PTPRN2: variants seen among roughly 807,000 people sequenced by gnomAD.
PTPRN2 encodes the protein receptor-type tyrosine-protein phosphatase N2.
Under a neutral mutation model 118.8 loss-of-function variants are expected in PTPRN2, and 74 were observed. The observed-to-expected ratio is 0.62, with a 90% CI of 0.52 to 0.76. PTPRN2 has a LOEUF of 0.76. PTPRN2 is among the 30% of genes least tolerant of loss of function. The pLI, the probability that PTPRN2 is intolerant of heterozygous loss-of-function variation, is 0.00. For synonymous variants in PTPRN2, 641 were observed against 608.0 expected (o/e 1.05, Z -0.80); for missense variants, 1,481 against 1,394.4 (o/e 1.06, Z -0.99).
chr7:158,515,099 G>A (rs1036258866), intron 1 of PTPRN2, among the ~76,000 whole-genome samples: 2 of 152,188 alleles, frequency 1.3e-5, no homozygotes, highest in African/African-American at 4.8e-5. Context: ...ACTATGGCGA[G>A]GAGAACTGGG....
intron 1 of PTPRN2, among the ~76,000 whole-genome samples, chr7:158,582,677 G>T (rs778615699): frequency 6.6e-6 from 1 of 151,358 alleles, no homozygotes; most frequent in Admixed American, 6.6e-5. Flanking sequence ...TGTGCCTGTA[G>T]TCCCAGCTAT....
intron 12 of PTPRN2, among the ~76,000 whole-genome samples, chr7:157,876,274 C>G (rs1033816536): frequency 7.2e-5 from 11 of 152,148 alleles, no homozygotes; most frequent in African/African-American, 2.4e-4. Context: ...TGAGGTAAGG[C>G]GGACAGGGCT....
At chr7:158,503,786 A>T (rs943092293) in intron 1 of PTPRN2, among the ~76,000 whole-genome samples, 4 of 152,158 alleles carry the variant, frequency 2.6e-5, no homozygotes, top group African/African-American at 7.2e-5. Context: ...AGATCATTTG[A>T]GGGCAGGAGT....
At chr7:157,999,784 G>T (rs760756092) in intron 11 of PTPRN2, among the ~76,000 whole-genome samples, 2 of 152,164 alleles carry the variant, frequency 1.3e-5, no homozygotes, top group African/African-American at 4.8e-5. Flanking sequence ...CTCAAAGGTG[G>T]GGTGCAGACT....
chr7:157,563,847 C>T (rs1799347162), intron 21 of PTPRN2, among the ~76,000 whole-genome samples: 1 of 151,684 alleles, frequency 6.6e-6, no homozygotes, highest in Non-Finnish European at 1.5e-5. Flanking sequence ...AGATCAAGAC[C>T]ACGTGCTCCT....
chr7:158,066,106 T>C lies in PTPRN2; in HGVS notation c.1723+15192A>G, dbSNP rs145448167. Among the ~76,000 whole-genome samples the C allele has an allele frequency of 2.1e-4, 32 of 152,336 alleles. No individual in the cohort carries two copies. In the East Asian group the frequency reaches 5.8e-3, roughly 28 times the overall value. ...TTTATTTCCTCTGAAAATCACATAA[T>C]ATGCTGCTTTGTTTCTCTAGCAAGG... On this transcript the variant is annotated intron_variant, in intron 11 of 22. Transcript: ENST00000389418.
At chr7:157,905,122 G>T (rs1471621194) in intron 11 of PTPRN2, among the ~76,000 whole-genome samples, 1 of 152,178 alleles carries the variant, frequency 6.6e-6, no homozygotes, top group East Asian at 1.9e-4. Context: ...CCTCTCGCGG[G>T]ACTTTTGCCC....
chr7:157,781,559 C>T (rs1803681955), intron 12 of PTPRN2, among the ~76,000 whole-genome samples: 1 of 152,168 alleles, frequency 6.6e-6, no homozygotes, highest in Non-Finnish European at 1.5e-5. Context: ...TCCCAGAGAG[C>T]CTGGTTTTAT....
chr7:157,833,125 T>C (rs1162564523), intron 12 of PTPRN2, among the ~76,000 whole-genome samples: 6 of 141,648 alleles, frequency 4.2e-5, no homozygotes, highest in Middle Eastern at 4.6e-3. Flanking sequence ...GAGATGTGGC[T>C]GGTGCCCATC....
chr7:157,763,656 G>T lies in PTPRN2; in HGVS notation c.1789-80719C>A, dbSNP rs1400195534. On this transcript the variant is annotated intron_variant, in intron 12 of 22. Transcript: ENST00000389418. The surrounding 1 kb of genome is among the most constrained non-coding windows in gnomAD (Gnocchi z 4.9). ...TCTGGAAATCTTAGCCTGCCTCACT[G>T]CTTGGTTTCCTCTTCATTCGGAATT... is the stretch of plus-strand genomic sequence containing the variant. Among the ~76,000 whole-genome samples the T allele has an allele frequency of 6.6e-6, 1 of 152,074 alleles. No individual in the cohort carries two copies. Among genetic ancestry groups the T allele is most frequent in the Non-Finnish European group, 1.5e-5 (1 of 68,020 alleles).
intron 19 of PTPRN2, among the ~76,000 whole-genome samples, chr7:157,573,001 A>T (rs946803311): frequency 6.6e-6 from 1 of 152,238 alleles, no homozygotes; most frequent in African/African-American, 2.4e-5. Context: ...TGTATGCCAG[A>T]GTGCCTTGAA....
intron 11 of PTPRN2, among the ~76,000 whole-genome samples, chr7:158,004,098 T>C (rs6459828): frequency 0.83 from 126,548 of 151,986 alleles, 52,817 homozygotes; most frequent in East Asian, 0.89. Context: ...TCTAAGGTGA[T>C]AGGAAAAGCA....
At chr7:158,436,099 T>A (rs895963205) in intron 2 of PTPRN2, among the ~76,000 whole-genome samples, 5 of 152,182 alleles carry the variant, frequency 3.3e-5, no homozygotes, top group African/African-American at 1.2e-4. Context: ...AGGACATGGA[T>A]CCCTGACTTA....
In PTPRN2 at chr7:157,765,869, CCAT is replaced by C. The variant is rs1223166180; in HGVS notation, c.1789-82935_1789-82933del. ...CTCATCCACTCATCCATCCATCCAT[CCAT>C]CATTACTCCATCCATCCATCCATCC... is the stretch of plus-strand genomic sequence containing the variant. On this transcript the variant is annotated intron_variant, in intron 12 of 22. Transcript: ENST00000389418. Among the ~76,000 whole-genome samples the C allele has an allele frequency of 3.4e-5, 5 of 149,104 alleles. No homozygotes were observed. In the South Asian group the frequency reaches 8.7e-4, roughly 26 times the overall value.
At chr7:157,648,701 C>T (rs1805336720) in intron 14 of PTPRN2, among the ~76,000 whole-genome samples, 1 of 144,156 alleles carries the variant, frequency 6.9e-6, no homozygotes, top group African/African-American at 2.6e-5. Flanking sequence ...CTCGGTGGGT[C>T]AGACCCATTC....
intron 11 of PTPRN2, among the ~76,000 whole-genome samples, chr7:157,961,773 A>G (rs1233305742): frequency 6.6e-6 from 1 of 152,222 alleles, no homozygotes; most frequent in Admixed American, 6.5e-5. Flanking sequence ...TTCGGCACTC[A>G]TATTCTAAGG....
chr7:158,482,095 C>CT (rs1450264816), intron 2 of PTPRN2, among the ~76,000 whole-genome samples: 1 of 152,168 alleles, frequency 6.6e-6, no homozygotes, highest in Admixed American at 6.5e-5. Context: ...CATGATAAAA[C>CT]TTTAACAGGT....
chr7:157,759,184 CTGGGCGCCG>C, intron 12 of PTPRN2, among the ~76,000 whole-genome samples: 1 of 152,358 alleles, frequency 6.6e-6, no homozygotes, highest in African/African-American at 2.4e-5. Flanking sequence ...GCATCGGTGC[CTGGGCGCCG>C]TGGGCGCAGG....
chr7:158,362,050 C>G (rs1373684530), intron 2 of PTPRN2, among the ~76,000 whole-genome samples: 1 of 152,258 alleles, frequency 6.6e-6, no homozygotes, highest in Non-Finnish European at 1.5e-5. Context: ...CATCCCGTCC[C>G]TGCACCTGTG....
Sources: gnomAD v4.1 joint callset for allele counts (sites outside exome capture counted in the v4.1 genomes callset) on GRCh38, gnomAD v4.1.1 for gene constraint, Gnocchi (gnomAD v3.1) non-coding constraint, MANE v1.5 for transcripts, NCBI Gene and HGNC (gene_info 2026-07-23, HGNC 2026-07-21) for gene names.